Variants in PAMR1 observed in about 807,000 individuals in gnomAD.
PAMR1 encodes inactive serine protease PAMR1.
PAMR1 carries 88 observed loss-of-function variants against 81.8 expected under a neutral mutation model. That is an observed-to-expected ratio of 1.08 (90% confidence interval 0.91 to 1.28). The LOEUF is 1.28. Among genes scored for constraint, PAMR1 ranks in the 50% most tolerant of loss-of-function variants. PAMR1 has a pLI of 0.00. For synonymous variants in PAMR1, 336 were observed against 345.3 expected, an observed-to-expected ratio of 0.97 and a Z score of 0.30; for missense variants, 935 against 919.7, an observed-to-expected ratio of 1.02 and a Z score of -0.21.
chr11:35,518,671 A>G (rs566696885), intron 1 of PAMR1, among the ~76,000 whole-genome samples: 2 of 151,968 alleles, frequency 1.3e-5, no homozygotes, highest in East Asian at 2.0e-4. Context: ...CAGTGGAATT[A>G]TAAAGTAAAT....
upstream of PAMR1, among the ~76,000 whole-genome samples, chr11:35,529,242 T>C (rs1234147770): frequency 6.6e-6 from 1 of 152,180 alleles, no homozygotes; most frequent in Non-Finnish European, 1.5e-5. Flanking sequence ...TGCATGCAGG[T>C]TTTTGAATAA....
At position 35,434,664 on chromosome 11, in the gene PAMR1, C is replaced by T; in HGVS notation, c.1474G>A (p.Ala492Thr). ...ACCACAGTGCGCTCATTCACCAGGG[C>T]ACCGCTGCAGACTAGGAACCACGCT... Reference protein sequence around the residue: ...KGAWFLVCSGALVNERTVVVA... With the variant: ...KGAWFLVCSGTLVNERTVVVA... The change falls in exon 10 of 11, where the codon GCC (alanine) becomes ACC (threonine). Residue 492 changes from alanine to threonine, a missense_variant. Transcript: ENST00000619888. 6.2e-7 allele frequency: 1 copy of T among 1,614,190 alleles called. No individual in the cohort carries two copies. The highest frequency in any genetic ancestry group is 8.5e-7 in the Non-Finnish European group (1 of 1,180,036).
intron 2 of PAMR1, among the ~76,000 whole-genome samples, chr11:35,492,804 G>T (rs1850655254): frequency 6.6e-6 from 1 of 152,164 alleles, no homozygotes; most frequent in Non-Finnish European, 1.5e-5. Context: ...ACACCAGAGG[G>T]GTCTGTGTGA....
chr11:35,521,862 TG>T (rs1257386829), intron 1 of PAMR1, among the ~76,000 whole-genome samples: 1 of 152,182 alleles, frequency 6.6e-6, no homozygotes, highest in Admixed American at 6.5e-5. Context: ...ATTTATTTAT[TG>T]TGGAAAATAT....
chr11:35,526,362 G>A (rs1253448736), upstream of PAMR1, among the ~76,000 whole-genome samples: 5 of 152,126 alleles, frequency 3.3e-5, no homozygotes, highest in East Asian at 7.7e-4. Context: ...CTGCGCACAC[G>A]CCAGGCAGGG....
chr11:35,472,474 T>C (rs866096556), intron 4 of PAMR1, among the ~76,000 whole-genome samples: 1 of 152,206 alleles, frequency 6.6e-6, no homozygotes, highest in African/African-American at 2.4e-5. Context: ...AGATTAATTC[T>C]GGGTTAGAAG....
At chr11:35,482,462 G>A (rs185624928) in intron 3 of PAMR1, among the ~76,000 whole-genome samples, 1 of 152,300 alleles carries the variant, frequency 6.6e-6, no homozygotes, top group African/African-American at 2.4e-5. Flanking sequence ...TTTGAAGTCA[G>A]GTAGTATGAT....
At chr11:35,486,795 A>T (rs1022576449) in intron 3 of PAMR1, among the ~76,000 whole-genome samples, 5 of 152,288 alleles carry the variant, frequency 3.3e-5, no homozygotes, top group Admixed American at 3.3e-4. Context: ...GACTTCTTGC[A>T]TGCAAATATT....
intron 6 of PAMR1, among the ~76,000 whole-genome samples, chr11:35,448,342 T>C (rs1018315443): frequency 2.1e-5 from 3 of 146,326 alleles, no homozygotes; most frequent in African/African-American, 7.5e-5. Context: ...TTCCTTTTCA[T>C]TTTTTTTTTC....
chr11:35,492,011 C>A, intron 3 of PAMR1, 34 bp downstream of exon 3: 5 of 1,589,094 alleles, frequency 3.1e-6, no homozygotes, highest in Non-Finnish European at 3.4e-6. Context: ...AGACAGTGTG[C>A]ACTAGAGATG....
intron 6 of PAMR1, chr11:35,451,956 T>C (rs1295287766): frequency 1.5e-6 from 1 of 684,288 alleles, no homozygotes; most frequent in Non-Finnish European, 2.7e-6. Flanking sequence ...AAATAAATGT[T>C]TGTTGTTTAA....
chr11:35,452,748 G>T (rs552296667), intron 6 of PAMR1, among the ~76,000 whole-genome samples: 1 of 152,148 alleles, frequency 6.6e-6, no homozygotes, highest in African/African-American at 2.4e-5. Flanking sequence ...CCTGCCAAGT[G>T]TCTAAATCTA....
intron 3 of PAMR1, among the ~76,000 whole-genome samples, chr11:35,481,439 C>G (rs979768516): frequency 2.6e-5 from 4 of 152,150 alleles, no homozygotes; most frequent in African/African-American, 7.2e-5. Context: ...TTTTAATTTG[C>G]ATTTCTCTAA....
Position 35,432,341 on chromosome 11 carries a change from G to C in PAMR1, c.*15C>G. On this transcript the variant is annotated 3_prime_UTR_variant, in exon 11 of 11. Transcript: ENST00000619888. Reference sequence around the variant, plus strand: ...GATATACAGAAACACTTCTCAAGGAGTGCATGAGCATGGTTCATTTCATAT... The same window carrying C: ...GATATACAGAAACACTTCTCAAGGACTGCATGAGCATGGTTCATTTCATAT... 1 of 1,600,948 alleles carries C rather than the reference G, an allele frequency of 6.2e-7. No homozygotes were observed. Among genetic ancestry groups the C allele is most frequent in the Non-Finnish European group, 8.5e-7 (1 of 1,175,700 alleles).
chr11:35,474,585 A>G lies in PAMR1; in HGVS notation c.494+45T>C. 6 of 1,118,084 alleles carry G rather than the reference A, an allele frequency of 5.4e-6. No individual in the cohort carries two copies. In the South Asian group the frequency reaches 8.8e-5, roughly 16 times the overall value. 69.3% of individuals were successfully genotyped at this position (1,118,084 alleles called of 1,614,324 possible). ...CAAGAGCCTTCCATCCCATTTCTGT[A>G]TCCTTATAACCTCAGACTCCTGACT... is the stretch of plus-strand genomic sequence containing the variant. On this transcript the variant is annotated intron_variant, in intron 4 of 10. Transcript: ENST00000619888.
At chr11:35,473,637 G>A (rs1169438883) in intron 4 of PAMR1, among the ~76,000 whole-genome samples, 1 of 152,164 alleles carries the variant, frequency 6.6e-6, no homozygotes, top group Non-Finnish European at 1.5e-5. Flanking sequence ...GAGGAAGATT[G>A]AGAAGGGGAC....
chr11:35,473,017 G>A (rs1278249985), intron 4 of PAMR1, among the ~76,000 whole-genome samples: 1 of 152,170 alleles, frequency 6.6e-6, no homozygotes, highest in Non-Finnish European at 1.5e-5. Flanking sequence ...CCAGTTAGGA[G>A]GGCATGACAG....
At chr11:35,530,009 A>G (rs1178968380), upstream of PAMR1, 3 of 152,202 alleles carry the variant, frequency 2.0e-5, no homozygotes, top group African/African-American at 7.2e-5. Context: ...GTGAATTCTT[A>G]CAGTTCCCTC....
At chr11:35,449,641 G>A (rs532915042) in intron 6 of PAMR1, among the ~76,000 whole-genome samples, 1 of 152,234 alleles carries the variant, frequency 6.6e-6, no homozygotes, top group African/African-American at 2.4e-5. Context: ...GGTCATCTTA[G>A]GCAGTCTCCA....
Sources: allele counts gnomAD v4.1 joint callset (sites outside exome capture counted in the v4.1 genomes callset), GRCh38; gene constraint gnomAD v4.1.1; transcripts MANE v1.5; gene names NCBI Gene and HGNC (gene_info 2026-07-23, HGNC 2026-07-21).